A2ML1: variants seen among roughly 807,000 people sequenced by gnomAD.
The protein encoded by A2ML1 is alpha-2-macroglobulin like 1, also known as alpha-2-macroglobulin-like protein 1.
In A2ML1, 161 loss-of-function variants were observed where a neutral mutation model predicts 181.9. The ratio of observed to expected loss-of-function variants is 0.89; its 90% CI spans 0.78 to 1.01. The LOEUF (loss-of-function observed/expected upper bound fraction) is 1.01. A2ML1 is among the 50% of genes least tolerant of loss of function. The probability of loss-of-function intolerance (pLI) is 0.00; values close to 1 mark genes in which losing one functional copy is unlikely to be tolerated. For missense variants in A2ML1, 1,670 were observed against 1,768.1 expected (o/e 0.94, Z 1.00); for synonymous variants, 663 against 666.8 (o/e 0.99, Z 0.09).
chr12:8,872,596 A>G (rs1306202149), intron 33 of A2ML1, among the ~76,000 whole-genome samples: 1 of 152,010 alleles, frequency 6.6e-6, no homozygotes, highest in Non-Finnish European at 1.5e-5. Context: ...CCTGGCCAAT[A>G]TGGTGAAACC....
At chr12:8,828,847 C>T (rs1347123931) in intron 3 of A2ML1, among the ~76,000 whole-genome samples, 2 of 152,196 alleles carry the variant, frequency 1.3e-5, no homozygotes, top group African/African-American at 2.4e-5. Flanking sequence ...GCAGTTCACC[C>T]CTGGCTAACG....
chr12:8,847,025 C>T (rs1247484695), intron 14 of A2ML1, among the ~76,000 whole-genome samples: 2 of 150,888 alleles, frequency 1.3e-5, no homozygotes, highest in Non-Finnish European at 2.9e-5. Flanking sequence ...ACCTCTGCCT[C>T]CTGGGTTCAA....
chr12:8,869,213 C>A lies in A2ML1; in HGVS notation c.4221+10C>A. The A allele has an allele frequency of 6.2e-7, 1 of 1,613,752 alleles. No individual in the cohort carries two copies. ...CATTTACTTGGATGAGGTAGGTATT[C>A]AGGAACCAGATCAAAGAGCTGGATT... On this transcript the variant is annotated intron_variant, in intron 33 of 35. Coordinates refer to ENST00000299698, the MANE Select transcript of A2ML1 (RefSeq NM_144670.6).
At position 8,850,236 on chromosome 12, in the gene A2ML1, C is replaced by T; in HGVS notation, c.2196C>T (p.Tyr732=). 1.9e-6 allele frequency: 3 copies of T among 1,613,432 alleles called. No homozygotes were observed. The highest frequency in any genetic ancestry group is 2.5e-6 in the Non-Finnish European group (3 of 1,179,792). Residue 732 remains tyrosine, a synonymous_variant, in exon 18 of 36, where the codon TAC becomes TAT. Coordinates refer to ENST00000299698, the MANE Select transcript of A2ML1 (RefSeq NM_144670.6). ...HQAEDSQVRQ[Y]FPETWLWDLF... is the part of the protein sequence containing the mutation. ...CAGAGGATTCTCAGGTCCGCCAGTA[C>T]TTCCCAGAGACCTGGCTCTGGGATC...
At position 8,851,878 on chromosome 12, in the gene A2ML1, G is replaced by C; in HGVS notation, c.2329G>C (p.Gly777Arg). ...SFCTSQSRGF[G>R]LSPTVGLTAF... is the part of the protein sequence containing the mutation. ...CTGCACTTCCCAGTCAAGAGGCTTCGGGCTTTCACCCACTGTTGGACTAAC... is the reference window on the plus strand; with the variant it reads ...CTGCACTTCCCAGTCAAGAGGCTTCCGGCTTTCACCCACTGTTGGACTAAC... Residue 777 changes from glycine (G) to arginine (R), a missense_variant, in exon 19 of 36, where the codon GGG becomes CGG. Physicochemically the swap from Gly to Arg is moderately radical, Grantham distance 125 (BLOSUM62 -2). Transcript: ENST00000299698. 6.2e-7 allele frequency: 1 copy of C among 1,614,168 alleles called. No individual in the cohort carries two copies. Among genetic ancestry groups the C allele is most frequent in the South Asian group, 1.1e-5 (1 of 91,082 alleles).
intron 11 of A2ML1, among the ~76,000 whole-genome samples, chr12:8,842,632 G>A (rs1028907002): frequency 3.9e-5 from 6 of 152,166 alleles, no homozygotes; most frequent in African/African-American, 7.2e-5. Flanking sequence ...GGCGGGGTGC[G>A]TGTGAGGAAT....
At position 8,854,786 on chromosome 12, in the gene A2ML1, G is replaced by A. The variant is rs747390117; in HGVS notation, c.2719G>A (p.Gly907Arg). 1 of 1,613,720 alleles carries A rather than the reference G, an allele frequency of 6.2e-7. No homozygotes were observed. The highest frequency in any genetic ancestry group is 1.3e-5 in the African/African-American group (1 of 74,886). The stretch of plus-strand genomic sequence containing the variant: ...GTGTCTCTCTTCATCGCAGCCTGAG[G>A]GAGTCCTGGTGGAGAAGACACACAG... Reference protein sequence around the residue: ...LIKPVLVKPEGVLVEKTHSSL... With the variant: ...LIKPVLVKPERVLVEKTHSSL... Residue 907 changes from glycine to arginine, a missense_variant, in exon 22 of 36, where the codon GGA (glycine) becomes AGA (arginine). By Grantham distance (125) the Gly-to-Arg change is moderately radical (BLOSUM62 -2). Coordinates refer to ENST00000299698, the MANE Select transcript of A2ML1 (RefSeq NM_144670.6).
At chr12:8,849,625 G>T in intron 16 of A2ML1, 44 bp from the exon 17 acceptor site, 1 of 1,500,592 alleles carries the variant, frequency 6.7e-7, no homozygotes, top group Non-Finnish European at 9.3e-7. Context: ...CCTTGTAGTT[G>T]GGGAAGGGAC....
chr12:8,886,158 A>C (rs1944920181), intron 7 of A2ML1, among the ~76,000 whole-genome samples: 1 of 152,106 alleles, frequency 6.6e-6, no homozygotes, highest in Admixed American at 6.5e-5. Flanking sequence ...TATAAATTTA[A>C]ATCAGTTTGT....
chr12:8,830,259 C>T (rs774513077), intron 4 of A2ML1, among the ~76,000 whole-genome samples: 1 of 151,996 alleles, frequency 6.6e-6, no homozygotes, highest in African/African-American at 2.4e-5. Flanking sequence ...ATCATGTTGG[C>T]CAAGCTGGTC....
chr12:8,879,101 C>A (rs1232036525), downstream of A2ML1, among the ~76,000 whole-genome samples: 1 of 152,098 alleles, frequency 6.6e-6, no homozygotes, highest in Non-Finnish European at 1.5e-5. Flanking sequence ...CTAGGAGTTC[C>A]TATAGTGAGG....
intron 4 of A2ML1, among the ~76,000 whole-genome samples, chr12:8,834,445 C>T (rs1026295280): frequency 1.3e-5 from 2 of 152,142 alleles, no homozygotes; most frequent in African/African-American, 4.8e-5. Flanking sequence ...AGATTCCTGC[C>T]CCCACTCTTA....
At position 8,848,709 on chromosome 12, in the gene A2ML1, T is replaced by C; in HGVS notation, c.1834-11T>C. ...ATCAATGCTTTATTTCCTCTCCCCC[T>C]CTTGTCCCAGGTCTATGGGATGTTT... On this transcript the variant is annotated splice_polypyrimidine_tract_variant and intron_variant, in intron 15 of 35. Transcript: ENST00000299698. 1.3e-6 allele frequency: 2 copies of C among 1,582,540 alleles called. No homozygotes were observed. Among genetic ancestry groups the C allele is most frequent in the Non-Finnish European group, 1.7e-6 (2 of 1,163,976 alleles).
At chr12:8,870,785 C>A (rs1175088774) in intron 33 of A2ML1, among the ~76,000 whole-genome samples, 1 of 152,118 alleles carries the variant, frequency 6.6e-6, no homozygotes, top group Non-Finnish European at 1.5e-5. Context: ...AGGGTGGGAG[C>A]AGAACCTGGG....
At chr12:8,839,805 T>C (rs1943406319) in intron 10 of A2ML1, among the ~76,000 whole-genome samples, 1 of 152,178 alleles carries the variant, frequency 6.6e-6, no homozygotes, top group Admixed American at 6.5e-5. Context: ...TGAAGTGCAA[T>C]GGCGCGATCT....
chr12:8,829,470 C>CCTGG (rs1471443957), intron 3 of A2ML1, among the ~76,000 whole-genome samples: 1 of 152,022 alleles, frequency 6.6e-6, no homozygotes, highest in Non-Finnish European at 1.5e-5. Context: ...CATAGACCAG[C>CCTGG]CTGGCCAACA....
rs1031874914 is a variant in A2ML1 at position 8,823,293 on chromosome 12, C to A, written c.174C>A (p.Thr58=). ...SDVKFTVTLE[T]KDKTQKLLEY... is the part of the protein sequence containing the mutation. Reference sequence around the variant, plus strand: ...TTAAATTCACGGTTACTCTGGAGACCAAGGACAAGACCCAGAAGTTGCTAG... The same window carrying A: ...TTAAATTCACGGTTACTCTGGAGACAAAGGACAAGACCCAGAAGTTGCTAG... The change falls in exon 2 of 36, where the codon ACC becomes ACA. Residue 58 remains threonine, a synonymous_variant. Coordinates refer to ENST00000299698, the MANE Select transcript of A2ML1 (RefSeq NM_144670.6). The A allele has an allele frequency of 1.2e-6, 2 of 1,613,982 alleles. No individual in the cohort carries two copies. Among genetic ancestry groups the A allele is most frequent in the Non-Finnish European group, 1.7e-6 (2 of 1,180,016 alleles).
chr12:8,855,402 G>A (rs1334402646), intron 22 of A2ML1, 107 bp from the exon 23 acceptor site: 31 of 962,014 alleles, frequency 3.2e-5, no homozygotes, highest in Admixed American at 1.2e-4. Flanking sequence ...AGAAAGCACC[G>A]AGTACAGAAA....
At chr12:8,853,283 C>T (rs763055296) in intron 20 of A2ML1, among the ~76,000 whole-genome samples, 25 of 152,332 alleles carry the variant, frequency 1.6e-4, no homozygotes, top group African/African-American at 4.6e-4. Flanking sequence ...TGAGTCACTG[C>T]ACCTTTAACT....
Sources: allele counts gnomAD v4.1 joint callset (sites outside exome capture counted in the v4.1 genomes callset), GRCh38; gene constraint gnomAD v4.1.1; transcripts MANE v1.5; gene names NCBI Gene and HGNC (gene_info 2026-07-23, HGNC 2026-07-21).